CATSPERB: variants seen among roughly 807,000 people sequenced by gnomAD.
CATSPERB encodes cation channel sperm-associated auxiliary subunit beta.
CATSPERB carries 93 observed loss-of-function variants against 128.3 expected under a neutral mutation model. The ratio of observed to expected loss-of-function variants is 0.72; its 90% CI spans 0.61 to 0.86. The LOEUF (loss-of-function observed/expected upper bound fraction) is 0.86. Ranked by LOEUF, CATSPERB falls within the 40% of genes least tolerant of loss-of-function variation. CATSPERB has a pLI of 0.00. For missense variants in CATSPERB, 1,153 were observed against 1,329.5 expected (o/e 0.87, Z 2.06); for synonymous variants, 381 against 448.8 (o/e 0.85, Z 1.91).
intron 20 of CATSPERB, among the ~76,000 whole-genome samples, chr14:91,612,274 A>AT (rs1159804509): frequency 2.0e-5 from 3 of 152,100 alleles, no homozygotes; most frequent in Non-Finnish European, 4.4e-5. Flanking sequence ...ACAATACTCT[A>AT]TTATTAACTA....
chr14:91,648,023 T>C (rs1468038911), intron 15 of CATSPERB, among the ~76,000 whole-genome samples: 1 of 152,212 alleles, frequency 6.6e-6, no homozygotes, highest in Admixed American at 6.5e-5. Context: ...ACTCATCCAG[T>C]TGCCCTATGT....
At chr14:91,596,900 T>A (rs1451081482) in intron 22 of CATSPERB, among the ~76,000 whole-genome samples, 1 of 151,968 alleles carries the variant, frequency 6.6e-6, no homozygotes, top group Non-Finnish European at 1.5e-5. Context: ...TTTTTTTTTT[T>A]TTTTGAGACA....
chr14:91,612,040 C>CTTTCTTTG, intron 20 of CATSPERB, among the ~76,000 whole-genome samples: 1 of 104,968 alleles, frequency 9.5e-6, no homozygotes, highest in South Asian at 3.3e-4. Flanking sequence ...TTCTTTCTTT[C>CTTTCTTTG]TTTCTTTCTT....
intron 6 of CATSPERB, 22 bp downstream of exon 6, chr14:91,708,119 A>T (rs1004197674): frequency 9.2e-6 from 14 of 1,514,390 alleles, no homozygotes; most frequent in Non-Finnish European, 1.3e-5. Flanking sequence ...ATTCCATTTT[A>T]CTTCTGTCTG....
intron 22 of CATSPERB, chr14:91,604,433 T>C: frequency 7.5e-7 from 1 of 1,328,160 alleles, no homozygotes; most frequent in Admixed American, 1.7e-5. Context: ...GTTCGTGGAG[T>C]AGTTTAGGAA....
chr14:91,592,462 A>G (rs1893426418), intron 22 of CATSPERB: 1 of 162,892 alleles, frequency 6.1e-6, no homozygotes, highest in Admixed American at 6.4e-5. Context: ...ATATCTGCCC[A>G]TTTGTCATTC....
chr14:91,662,257 A>G (rs1376808250), intron 14 of CATSPERB, among the ~76,000 whole-genome samples: 1 of 152,184 alleles, frequency 6.6e-6, no homozygotes, highest in African/African-American at 2.4e-5. Context: ...TTTAAATAAC[A>G]TAATGCTTAA....
chr14:91,717,696 A>C (rs1895965458), intron 5 of CATSPERB, among the ~76,000 whole-genome samples: 1 of 152,216 alleles, frequency 6.6e-6, no homozygotes, highest in South Asian at 2.1e-4. Flanking sequence ...TGCCTAACCT[A>C]CTTTTCCCAA....
intron 16 of CATSPERB, among the ~76,000 whole-genome samples, chr14:91,638,507 A>G (rs991107142): frequency 1.7e-4 from 26 of 151,970 alleles, no homozygotes; most frequent in Admixed American, 1.7e-3. Flanking sequence ...TTCAGCCTCA[A>G]CTTCCCAGGT....
At chr14:91,637,583 C>T (rs1209632004) in intron 16 of CATSPERB, among the ~76,000 whole-genome samples, 1 of 152,152 alleles carries the variant, frequency 6.6e-6, no homozygotes, top group Non-Finnish European at 1.5e-5. Flanking sequence ...GATGTCTAAT[C>T]CCAATAACTA....
At chr14:91,673,394 G>A (rs1382080223) in intron 12 of CATSPERB, among the ~76,000 whole-genome samples, 1 of 152,100 alleles carries the variant, frequency 6.6e-6, no homozygotes, top group Non-Finnish European at 1.5e-5. Context: ...AGACAGGTTT[G>A]AGATTTTTAT....
rs754099935 is a variant in CATSPERB at position 91,610,671 on chromosome 14, T to C, written c.2407A>G (p.Thr803Ala). The change falls in exon 21 of 27, where the codon ACT (threonine) becomes GCT (alanine). Residue 803 changes from threonine (T) to alanine (A), a missense_variant. By Grantham distance (58) the Thr-to-Ala change is moderately conservative. Coordinates refer to ENST00000256343, the MANE Select transcript of CATSPERB (RefSeq NM_024764.4). Reference sequence around the variant, plus strand: ...GACCACATAATAAATGCCAGTGAAGTTGAACCCTGGAAATAACCAAATAAA... The same window carrying C: ...GACCACATAATAAATGCCAGTGAAGCTGAACCCTGGAAATAACCAAATAAA... ...AASKVLHQGS[T>A]SLAFIMWSAS... 1.5e-5 allele frequency: 24 copies of C among 1,613,860 alleles called. No homozygotes were observed. Among genetic ancestry groups the C allele is most frequent in the Admixed American group, 5.0e-5 (3 of 59,988 alleles).
At position 91,723,088 on chromosome 14, in the gene CATSPERB, A is replaced by G. The variant is rs772398313; in HGVS notation, c.270T>C (p.Asn90=). 4 of 1,549,422 alleles carry G rather than the reference A, an allele frequency of 2.6e-6. No homozygotes were observed. The highest frequency in any genetic ancestry group is 1.9e-5 in the Admixed American group (1 of 52,206). Residue 90 remains asparagine (N), a synonymous_variant, in exon 4 of 27, where the codon AAT becomes AAC. Transcript: ENST00000256343. ...GGLAPSLGIM[N]STYNGIFHFN... Reference sequence around the variant, plus strand: ...AGTGGAAGATGCCATTATATGTACTATTCATGATTCCCAAGCTGGGAGCAA... The same window carrying G: ...AGTGGAAGATGCCATTATATGTACTGTTCATGATTCCCAAGCTGGGAGCAA...
Position 91,731,920 on chromosome 14 carries a change from CT to C in CATSPERB, c.-1+9del, listed in dbSNP as rs1222898484. The C allele has an allele frequency of 1.3e-5, 2 of 152,502 alleles. No homozygotes were observed. Among genetic ancestry groups the C allele is most frequent in the Non-Finnish European group, 2.9e-5 (2 of 68,010 alleles). The allele number at this position is 152,502 out of a possible 1,614,324, so 9.4% of individuals were successfully genotyped here. A position where few individuals can be genotyped will look rare whatever the true frequency, so the allele number is the denominator to read the frequency against. ...AGGGTCCTTATTTTAATATTTTTTA[CT>C]GTAATTACCTCTTTAGGAGATGCGC... On this transcript the variant is annotated intron_variant, in intron 1 of 26. Coordinates refer to ENST00000256343, the MANE Select transcript of CATSPERB (RefSeq NM_024764.4).
Position 91,711,676 on chromosome 14 carries a change from T to A in CATSPERB, c.371-3440A>T, listed in dbSNP as rs147739691. ...ATATCAATATCTGACAAAGGAGAGT[T>A]CAGATCAATGCAATATCAGAAATAA... On this transcript the variant is annotated intron_variant, in intron 5 of 26. Transcript: ENST00000256343. Among the ~76,000 whole-genome samples, 9 of 152,262 alleles carry A rather than the reference T, an allele frequency of 5.9e-5. No individual in the cohort carries two copies. In the South Asian group the frequency reaches 1.5e-3, roughly 25 times the overall value.
At chr14:91,631,145 C>T (rs1032497696) in intron 17 of CATSPERB, among the ~76,000 whole-genome samples, 1 of 152,204 alleles carries the variant, frequency 6.6e-6, no homozygotes, top group Non-Finnish European at 1.5e-5. Flanking sequence ...CTGTTTATCA[C>T]CTGTATCTGT....
chr14:91,679,320 G>A, intron 11 of CATSPERB, among the ~76,000 whole-genome samples: 1 of 152,212 alleles, frequency 6.6e-6, no homozygotes, highest in Middle Eastern at 3.4e-3. Flanking sequence ...TCTGTAAGTT[G>A]TGTTCTTATT....
At chr14:91,633,926 A>G (rs902842751) in intron 17 of CATSPERB, among the ~76,000 whole-genome samples, 1 of 152,096 alleles carries the variant, frequency 6.6e-6, no homozygotes, top group African/African-American at 2.4e-5. Context: ...GAGGTCCTAG[A>G]CACTATAACA....
intron 23 of CATSPERB, 132 bp from the exon 24 acceptor site, chr14:91,589,801 G>T: frequency 1.3e-6 from 1 of 744,752 alleles, no homozygotes. Flanking sequence ...AGGGGTTTCT[G>T]CCTTTTCAGT....
Sources: gnomAD v4.1 joint callset for allele counts (sites outside exome capture counted in the v4.1 genomes callset) on GRCh38, gnomAD v4.1.1 for gene constraint, MANE v1.5 for transcripts, NCBI Gene and HGNC (gene_info 2026-07-23, HGNC 2026-07-21) for gene names.